The following CNTNAP2 variants were observed in gnomAD, a reference collection of about 807,000 sequenced individuals.
CNTNAP2 encodes the protein contactin associated protein 2.
A neutral mutation model predicts 155.2 loss-of-function variants in CNTNAP2; 98 were observed. The observed-to-expected ratio is 0.63, with a 90% CI of 0.54 to 0.75. CNTNAP2 has a LOEUF of 0.75. Among genes scored for constraint, CNTNAP2 ranks in the 30% least tolerant of loss-of-function variants. CNTNAP2 has a pLI of 0.00. For missense variants in CNTNAP2, 1,727 were observed against 1,688.1 expected, an observed-to-expected ratio of 1.02 and a Z score of -0.40; for synonymous variants, 651 against 631.2, an observed-to-expected ratio of 1.03 and a Z score of -0.47.
intron 8 of CNTNAP2, among the ~76,000 whole-genome samples, chr7:147,144,079 C>T (rs1801652291): frequency 6.6e-6 from 1 of 152,074 alleles, no homozygotes; most frequent in South Asian, 2.1e-4. Context: ...GATCTCAGAT[C>T]TCTAGTCAGT....
In CNTNAP2 at chr7:147,666,055, AT is replaced by A. The variant is rs1182549091; in HGVS notation, c.2098+26754del. On this transcript the variant is annotated intron_variant, in intron 13 of 23. Coordinates refer to ENST00000361727, the MANE Select transcript of CNTNAP2 (RefSeq NM_014141.6). ...AACACTACCTCTTTTTATAGACCTT[AT>A]TTTTCCTTAAAGTAACTAATTTATT... Among the ~76,000 whole-genome samples, 3 of 152,118 alleles carry A rather than the reference AT, an allele frequency of 2.0e-5. No homozygotes were observed. In the East Asian group the frequency reaches 5.8e-4, roughly 29 times the overall value.
At chr7:146,605,278 C>T (rs548389597) in intron 1 of CNTNAP2, among the ~76,000 whole-genome samples, 1 of 150,960 alleles carries the variant, frequency 6.6e-6, no homozygotes, top group East Asian at 2.0e-4. Context: ...TGTACTTGTT[C>T]CATATCTCAT....
At chr7:148,362,216 A>G (rs1220122550) in intron 21 of CNTNAP2, among the ~76,000 whole-genome samples, 1 of 150,058 alleles carries the variant, frequency 6.7e-6, no homozygotes, top group Non-Finnish European at 1.5e-5. Context: ...AAAACAAAAA[A>G]CAAAACCCAT....
intron 21 of CNTNAP2, among the ~76,000 whole-genome samples, chr7:148,350,553 T>C (rs879026535): frequency 6.0e-4 from 92 of 152,348 alleles, no homozygotes; most frequent in Middle Eastern, 6.8e-3. Context: ...GATAATACTG[T>C]CTCTGACACT....
At chr7:148,184,032 T>G (rs1012589906) in intron 18 of CNTNAP2, among the ~76,000 whole-genome samples, 3 of 152,154 alleles carry the variant, frequency 2.0e-5, no homozygotes, top group Non-Finnish European at 4.4e-5. Context: ...TTTTTTCCCT[T>G]ACTCCCACCT....
At chr7:147,492,403 T>C (rs983831810) in intron 11 of CNTNAP2, among the ~76,000 whole-genome samples, 3 of 152,214 alleles carry the variant, frequency 2.0e-5, no homozygotes, top group Non-Finnish European at 4.4e-5. Flanking sequence ...TGGCTAACTA[T>C]AGGAGTTATT....
At chr7:147,264,462 A>C (rs1197646938) in intron 8 of CNTNAP2, among the ~76,000 whole-genome samples, 1 of 151,844 alleles carries the variant, frequency 6.6e-6, no homozygotes, top group Non-Finnish European at 1.5e-5. Flanking sequence ...AAATTTCAGG[A>C]AGTGAGGGGT....
rs186752143 is a variant in CNTNAP2 at position 148,135,615 on chromosome 7, G to A, written c.2555-11876G>A. On this transcript the variant is annotated intron_variant, in intron 16 of 23. Transcript: ENST00000361727. ...TGTAATCCCAGCACTTTGAGAGGCC[G>A]AGGCAGGTGGATCACCTGAGGTCAG... 1.7e-3 allele frequency among the ~76,000 whole-genome samples: 260 copies of A among 151,964 alleles called. 2 individuals carry two copies. Among genetic ancestry groups the A allele is most frequent in the African/African-American group, 5.8e-3 (239 of 41,494 alleles).
chr7:146,313,770 G>A (rs933941963), intron 1 of CNTNAP2, among the ~76,000 whole-genome samples: 9 of 152,040 alleles, frequency 5.9e-5, no homozygotes, highest in African/African-American at 1.9e-4. Flanking sequence ...AGGCAGAGGC[G>A]GGCAGATCAC....
chr7:147,264,125 A>T (rs905574364), intron 8 of CNTNAP2, among the ~76,000 whole-genome samples: 1 of 152,174 alleles, frequency 6.6e-6, no homozygotes, highest in Non-Finnish European at 1.5e-5. Flanking sequence ...TGTTTTGAAA[A>T]GGTCAGACAA....
intron 1 of CNTNAP2, among the ~76,000 whole-genome samples, chr7:146,672,958 A>G (rs1800334720): frequency 1.3e-5 from 2 of 152,260 alleles, no homozygotes; most frequent in South Asian, 2.1e-4. Context: ...TTTCCACTTA[A>G]AACTATCATT....
intron 1 of CNTNAP2, among the ~76,000 whole-genome samples, chr7:146,329,000 G>A (rs960728848): frequency 1.3e-5 from 2 of 152,212 alleles, no homozygotes; most frequent in Non-Finnish European, 1.5e-5. Flanking sequence ...ACATGAGAGT[G>A]CAAATAGCTC....
At chr7:147,558,014 T>C (rs368915251) in intron 11 of CNTNAP2, among the ~76,000 whole-genome samples, 2 of 152,202 alleles carry the variant, frequency 1.3e-5, no homozygotes, top group African/African-American at 4.8e-5. Flanking sequence ...TCACAGCTAT[T>C]CTTGTCATTT....
At chr7:146,590,901 T>C (rs1017886200) in intron 1 of CNTNAP2, among the ~76,000 whole-genome samples, 11 of 152,176 alleles carry the variant, frequency 7.2e-5, no homozygotes, top group African/African-American at 2.7e-4. Context: ...CCTGGACACA[T>C]TGTTTTTTCT....
intron 13 of CNTNAP2, among the ~76,000 whole-genome samples, chr7:147,886,729 C>T (rs1427583334): frequency 6.6e-6 from 1 of 152,112 alleles, no homozygotes; most frequent in African/African-American, 2.4e-5. Context: ...CGAATCATAC[C>T]TGAGGAGGTA....
intron 1 of CNTNAP2, among the ~76,000 whole-genome samples, chr7:146,615,193 C>A (rs1799204789): frequency 6.6e-6 from 1 of 152,146 alleles, no homozygotes; most frequent in South Asian, 2.1e-4. Context: ...CTTATAAGGA[C>A]CCTGAGCCTG....
chr7:148,125,878 T>C (rs962394433), intron 16 of CNTNAP2, among the ~76,000 whole-genome samples: 1 of 152,056 alleles, frequency 6.6e-6, no homozygotes, highest in Admixed American at 6.5e-5. Context: ...ATTTTTTATA[T>C]TTTTAGTAGA....
At chr7:146,145,855 C>A (rs1584771563) in intron 1 of CNTNAP2, among the ~76,000 whole-genome samples, 2 of 152,120 alleles carry the variant, frequency 1.3e-5, no homozygotes, top group South Asian at 4.1e-4. Flanking sequence ...ACAAAGGAAG[C>A]AGACTTTCAC....
intron 1 of CNTNAP2, among the ~76,000 whole-genome samples, chr7:146,285,225 GAC>G (rs1454322617): frequency 6.6e-6 from 1 of 152,052 alleles, no homozygotes; most frequent in African/African-American, 2.4e-5. Context: ...ACTTCATAGA[GAC>G]ATGGATATTA....
Sources: allele counts gnomAD v4.1 joint callset (sites outside exome capture counted in the v4.1 genomes callset), GRCh38; gene constraint gnomAD v4.1.1; transcripts MANE v1.5; gene names NCBI Gene and HGNC (gene_info 2026-07-23, HGNC 2026-07-21).